The following FOXP1 variants were observed in gnomAD, a reference collection of about 807,000 sequenced individuals.
FOXP1 encodes forkhead box P1.
Under a neutral mutation model 98.2 loss-of-function variants are expected in FOXP1, and 15 were observed. The ratio of observed to expected loss-of-function variants is 0.15; its 90% CI spans 0.10 to 0.24. The LOEUF is 0.24. Among genes scored for constraint, FOXP1 ranks in the 10% least tolerant of loss-of-function variants. FOXP1 has a pLI of 1.00. For missense variants in FOXP1, 633 were observed against 848.5 expected (o/e 0.75, Z 3.15); for synonymous variants, 371 against 314.5 (o/e 1.18, Z -1.90).
At chr3:71,199,360 C>A (rs1181351151) in intron 5 of FOXP1, among the ~76,000 whole-genome samples, 2 of 152,116 alleles carry the variant, frequency 1.3e-5, no homozygotes, top group African/African-American at 4.8e-5. Context: ...CCGTCTCGGC[C>A]TCCCGAAGTG....
chr3:71,314,530 A>T (rs6762999), intron 4 of FOXP1, among the ~76,000 whole-genome samples: 334 of 143,384 alleles, frequency 2.3e-3, no homozygotes, highest in African/African-American at 3.2e-3. Flanking sequence ...CCGTCTAAAA[A>T]ATATATATAT....
chr3:71,440,197 T>C (rs903880921), intron 3 of FOXP1, among the ~76,000 whole-genome samples: 7 of 152,284 alleles, frequency 4.6e-5, no homozygotes. Flanking sequence ...ATGAATATAC[T>C]TAACACAACT....
In FOXP1 at chr3:71,131,109, C is replaced by A. The variant is rs1370731990; in HGVS notation, c.181-18472G>T. ...TTGCAGACTTTAGAGGATTTTGTCA[C>A]ATGTATTTTTAAAGAACACATCGTC... On this transcript the variant is annotated intron_variant, in intron 6 of 20. Transcript: ENST00000649528. Among the ~76,000 whole-genome samples the A allele has an allele frequency of 2.0e-5, 3 of 152,030 alleles. No individual in the cohort carries two copies. The East Asian group carries it at 5.8e-4, about 29-fold the overall frequency.
chr3:71,207,947 T>G (rs17008343), intron 5 of FOXP1, among the ~76,000 whole-genome samples: 14,923 of 152,276 alleles, frequency 0.098, 1,418 homozygotes, highest in East Asian at 0.47. Context: ...CACTTTAAAA[T>G]GGACAGGTAA....
chr3:71,503,807 A>C (rs2041603604), intron 2 of FOXP1, among the ~76,000 whole-genome samples: 1 of 152,180 alleles, frequency 6.6e-6, no homozygotes, highest in East Asian at 1.9e-4. Flanking sequence ...GAGTACAAAC[A>C]TACTAAGTAG....
intron 3 of FOXP1, among the ~76,000 whole-genome samples, chr3:71,486,628 A>G (rs1447042098): frequency 6.6e-6 from 1 of 152,252 alleles, no homozygotes; most frequent in Non-Finnish European, 1.5e-5. Flanking sequence ...AATAAAATTA[A>G]AATGTACATT....
At chr3:71,128,203 T>TC (rs1477481405) in intron 6 of FOXP1, among the ~76,000 whole-genome samples, 1 of 151,686 alleles carries the variant, frequency 6.6e-6, no homozygotes, top group Non-Finnish European at 1.5e-5. Flanking sequence ...CTACAGAAAA[T>TC]CATGTTCCGG....
chr3:71,583,910 C>T, upstream of FOXP1: 1 of 984,860 alleles, frequency 1.0e-6, no homozygotes, highest in Non-Finnish European at 1.2e-6. Flanking sequence ...CTTCACGCAC[C>T]CCGCTGGGCA....
At chr3:71,130,891 CTGCAAGCAGCG>C in intron 6 of FOXP1, 1 of 1,378,880 alleles carries the variant, frequency 7.3e-7, no homozygotes, top group Non-Finnish European at 9.4e-7. Context: ...CGCTCCAGGT[CTGCAAGCAGCG>C]ACACAGCACA....
intron 6 of FOXP1, among the ~76,000 whole-genome samples, chr3:71,173,618 G>T (rs1158129181): frequency 2.0e-5 from 3 of 152,314 alleles, no homozygotes; most frequent in Admixed American, 2.0e-4. Context: ...AAGTGAGGGT[G>T]GGGGTGTGGG....
chr3:71,330,512 G>A (rs2076227955), intron 4 of FOXP1, among the ~76,000 whole-genome samples: 2 of 152,200 alleles, frequency 1.3e-5, no homozygotes, highest in Non-Finnish European at 2.9e-5. Context: ...CAGCGGTTCA[G>A]CAAACAGCCC....
Position 71,174,293 on chromosome 3 carries a change from C to G in FOXP1, c.180+23909G>C, listed in dbSNP as rs112196718. The stretch of plus-strand genomic sequence containing the variant: ...CTGATAGTGAGAATTTAAGAGTAAG[C>G]TGGGTGCAGCGGCATGCACCTGTAG... On this transcript the variant is annotated intron_variant, in intron 6 of 20. Transcript: ENST00000649528. 7.2e-5 allele frequency among the ~76,000 whole-genome samples: 11 copies of G among 152,244 alleles called. 1 individual carries two copies. Among genetic ancestry groups the G allele is most frequent in the African/African-American group, 2.4e-4 (10 of 41,538 alleles).
intron 4 of FOXP1, among the ~76,000 whole-genome samples, chr3:71,349,171 AT>A (rs5850008): frequency 0.42 from 63,940 of 152,108 alleles, 15,650 homozygotes; most frequent in East Asian, 0.73. Context: ...TAAATCAGCT[AT>A]AATTTCCAAG....
chr3:71,494,694 CT>C (rs2091288009), intron 2 of FOXP1, among the ~76,000 whole-genome samples: 1 of 152,150 alleles, frequency 6.6e-6, no homozygotes, highest in South Asian at 2.1e-4. Context: ...ATACAGATTC[CT>C]GGGACCCATC....
At chr3:71,507,559 T>C (rs975704540) in intron 2 of FOXP1, among the ~76,000 whole-genome samples, 22 of 152,036 alleles carry the variant, frequency 1.4e-4, no homozygotes, top group Non-Finnish European at 2.5e-4. Flanking sequence ...CAAATGTCTA[T>C]TGAATGATAT....
intron 7 of FOXP1, among the ~76,000 whole-genome samples, chr3:71,091,850 G>C (rs2055883866): frequency 6.6e-6 from 1 of 152,150 alleles, no homozygotes; most frequent in Non-Finnish European, 1.5e-5. Context: ...TTGGAAATAA[G>C]AAACAAAGTT....
intron 1 of FOXP1, chr3:71,582,235 G>A (rs1349390944): frequency 6.0e-5 from 59 of 985,276 alleles, no homozygotes; most frequent in Non-Finnish European, 7.1e-5. Flanking sequence ...GCTCGTCGAG[G>A]GCCAAAAAGA....
chr3:71,380,911 C>A (rs1423409639), intron 3 of FOXP1, among the ~76,000 whole-genome samples: 1 of 151,854 alleles, frequency 6.6e-6, no homozygotes, highest in Non-Finnish European at 1.5e-5. Context: ...CTTTTTCTTT[C>A]CATATGATTA....
intron 7 of FOXP1, among the ~76,000 whole-genome samples, chr3:71,054,505 G>A (rs1283464102): frequency 1.3e-5 from 2 of 152,228 alleles, no homozygotes; most frequent in Non-Finnish European, 2.9e-5. Context: ...CTGAAAGGAT[G>A]ATGTCTTGTT....
Sources: gnomAD v4.1 joint callset for allele counts (sites outside exome capture counted in the v4.1 genomes callset) on GRCh38, gnomAD v4.1.1 for gene constraint, MANE v1.5 for transcripts, NCBI Gene and HGNC (gene_info 2026-07-23, HGNC 2026-07-21) for gene names.